Variants in IL7 observed in about 807,000 individuals in gnomAD.
The protein encoded by IL7 is interleukin 7.
A neutral mutation model predicts 21.6 loss-of-function variants in IL7; 3 were observed. That is an observed-to-expected ratio of 0.14 (90% confidence interval 0.06 to 0.36). The LOEUF is 0.36. Among genes scored for constraint, IL7 ranks in the 10% least tolerant of loss-of-function variants. The pLI, the probability that IL7 is intolerant of heterozygous loss-of-function variation, is 1.00. For synonymous variants in IL7, 62 were observed against 68.1 expected (o/e 0.91, Z 0.44); for missense variants, 175 against 200.2 (o/e 0.87, Z 0.76).
chr8:78,703,207 A>G lies in IL7; in HGVS notation n.215-17260T>C, dbSNP rs1363429274. On this transcript the variant is annotated intron_variant and non_coding_transcript_variant, in intron 3 of 4. Coordinates refer to the IL7 transcript ENST00000523959. Reference sequence around the variant, plus strand: ...CCACCGCGCCTGGCCCATGTGATCAATTTTAGAGTATGTGCCAGATGGTGA... The same window carrying G: ...CCACCGCGCCTGGCCCATGTGATCAGTTTTAGAGTATGTGCCAGATGGTGA... 2.6e-5 allele frequency among the ~76,000 whole-genome samples: 4 copies of G among 152,238 alleles called. No individual in the cohort carries two copies. In the East Asian group the frequency reaches 5.8e-4, roughly 22 times the overall value.
chr8:78,735,348 T>G (rs2130668247), intron 5 of IL7, among the ~76,000 whole-genome samples: 1 of 147,032 alleles, frequency 6.8e-6, no homozygotes, highest in South Asian at 2.2e-4. Flanking sequence ...AGTCCCACTC[T>G]GTTGCCCAGG....
chr8:78,786,800 C>A (rs746798566), intron 2 of IL7, among the ~76,000 whole-genome samples: 78 of 152,274 alleles, frequency 5.1e-4, no homozygotes, highest in Middle Eastern at 6.8e-3. Flanking sequence ...TGGTATCTGG[C>A]AGCCCCTAGG....
chr8:78,744,090 T>C (rs1489789625), intron 2 of IL7, among the ~76,000 whole-genome samples: 1 of 151,544 alleles, frequency 6.6e-6, no homozygotes, highest in East Asian at 1.9e-4. Flanking sequence ...ATAGAAGCAG[T>C]CTGGCCATGC....
chr8:78,697,669 T>G (rs184528719), intron 3 of IL7, among the ~76,000 whole-genome samples: 3 of 151,980 alleles, frequency 2.0e-5, no homozygotes, highest in Admixed American at 1.3e-4. Context: ...TTTGAGTAGT[T>G]TCTACTTTTA....
At chr8:78,715,174 A>G (rs756481130), downstream of IL7, 95 of 1,529,210 alleles carry the variant, frequency 6.2e-5, no homozygotes, top group Non-Finnish European at 7.4e-5. Context: ...TGAGAAATAC[A>G]TGCTCACTGT....
intron 3 of IL7, among the ~76,000 whole-genome samples, chr8:78,710,087 C>T (rs947566623): frequency 2.6e-5 from 4 of 152,082 alleles, no homozygotes; most frequent in African/African-American, 7.2e-5. Context: ...AGGTTGATAT[C>T]GTCACCATAC....
At chr8:78,717,395 G>A, downstream of IL7, 1 of 1,613,580 alleles carries the variant, frequency 6.2e-7, no homozygotes, top group Non-Finnish European at 8.5e-7. Context: ...ACATTCACCT[G>A]GAAACTTACC....
intron 2 of IL7, among the ~76,000 whole-genome samples, chr8:78,767,590 A>G (rs190280276): frequency 1.3e-5 from 2 of 152,208 alleles, no homozygotes; most frequent in African/African-American, 4.8e-5. Flanking sequence ...CAGTCCTCCC[A>G]TAACCACGCA....
At chr8:78,764,200 C>A (rs1056029737) in intron 2 of IL7, among the ~76,000 whole-genome samples, 1 of 152,016 alleles carries the variant, frequency 6.6e-6, no homozygotes, top group African/African-American at 2.4e-5. Flanking sequence ...ACTTCCTCAA[C>A]TTAAAGGACA....
intron 3 of IL7, among the ~76,000 whole-genome samples, chr8:78,692,582 T>A (rs750674877): frequency 2.2e-4 from 33 of 152,234 alleles, no homozygotes; most frequent in Non-Finnish European, 4.0e-4. Context: ...AGGGGAGCAG[T>A]AAGGAGGTCT....
At chr8:78,796,588 G>T (rs1209634270) in intron 2 of IL7, among the ~76,000 whole-genome samples, 2 of 151,906 alleles carry the variant, frequency 1.3e-5, no homozygotes, top group Non-Finnish European at 2.9e-5. Flanking sequence ...TAAGATTTCA[G>T]TAAAAATGTG....
chr8:78,783,154 T>C (rs1211145049), intron 2 of IL7, among the ~76,000 whole-genome samples: 1 of 152,186 alleles, frequency 6.6e-6, no homozygotes, highest in Non-Finnish European at 1.5e-5. Flanking sequence ...CTAGGAACTC[T>C]GTAGTCTTAG....
intron 2 of IL7, among the ~76,000 whole-genome samples, chr8:78,785,465 AT>A (rs1344047294): frequency 2.6e-5 from 4 of 152,164 alleles, no homozygotes; most frequent in Non-Finnish European, 5.9e-5. Context: ...CTTTTGTCAC[AT>A]CTAAAATGGA....
intron 2 of IL7, among the ~76,000 whole-genome samples, chr8:78,764,339 G>A (rs1394352978): frequency 6.6e-6 from 1 of 151,974 alleles, no homozygotes; most frequent in African/African-American, 2.4e-5. Flanking sequence ...AGCTATTGCA[G>A]TAAGACAAAA....
intron 3 of IL7, among the ~76,000 whole-genome samples, chr8:78,706,391 C>T (rs1025582607): frequency 9.2e-5 from 14 of 152,060 alleles, no homozygotes; most frequent in Non-Finnish European, 1.5e-4. Context: ...TTGCCTGTGC[C>T]GGAGCAGCTG....
downstream of IL7, among the ~76,000 whole-genome samples, chr8:78,712,930 A>T (rs928221749): frequency 5.3e-5 from 8 of 152,300 alleles, no homozygotes; most frequent in African/African-American, 1.9e-4. Context: ...TAACTAGATA[A>T]ACAAAGGTAG....
intron 3 of IL7, among the ~76,000 whole-genome samples, chr8:78,703,598 C>T (rs1382898179): frequency 6.8e-6 from 1 of 147,072 alleles, no homozygotes; most frequent in African/African-American, 2.5e-5. Flanking sequence ...ATTAGGAGTA[C>T]AACCCCTGCT....
Position 78,757,664 on chromosome 8 carries a change from TCTTTGA to T in IL7, c.148-17588_148-17583del, listed in dbSNP as rs1812395431. Among the ~76,000 whole-genome samples the T allele has an allele frequency of 1.1e-4, 17 of 152,246 alleles. No individual in the cohort carries two copies. The South Asian group carries it at 3.5e-3, about 32-fold the overall frequency. On this transcript the variant is annotated intron_variant, in intron 2 of 5. Transcript: ENST00000263851. Reference sequence around the variant, plus strand: ...TAGACCTCTTTATCTCTTGTTATGTTCTTTGACTTTAAGTCTACTTTGTCCGATATA... The same window carrying T: ...TAGACCTCTTTATCTCTTGTTATGTTCTTTAAGTCTACTTTGTCCGATATA...
chr8:78,717,656 TTA>T (rs1000388443), downstream of IL7: 49 of 670,854 alleles, frequency 7.3e-5, no homozygotes, highest in African/African-American at 8.5e-4. Context: ...GTGTGTATGT[TTA>T]TATGTGTACA....
Sources: gnomAD v4.1 joint callset for allele counts (sites outside exome capture counted in the v4.1 genomes callset) on GRCh38, gnomAD v4.1.1 for gene constraint, MANE v1.5 for transcripts, NCBI Gene and HGNC (gene_info 2026-07-23, HGNC 2026-07-21) for gene names.